Variants in TBC1D19 observed in about 807,000 individuals in gnomAD.
The protein encoded by TBC1D19 is TBC1 domain family, member 19.
Under a neutral mutation model 89.0 loss-of-function variants are expected in TBC1D19, and 60 were observed. The ratio of observed to expected loss-of-function variants is 0.67; its 90% CI spans 0.55 to 0.84. The LOEUF is 0.84. Among genes scored for constraint, TBC1D19 ranks in the 40% least tolerant of loss-of-function variants. TBC1D19 has a pLI of 0.00. For missense variants in TBC1D19, 500 were observed against 610.8 expected (o/e 0.82, Z 1.91); for synonymous variants, 189 against 199.7 (o/e 0.95, Z 0.45).
the TBC1D19 span, among the ~76,000 whole-genome samples, chr4:26,835,135 A>C: frequency 6.6e-6 from 1 of 152,236 alleles, no homozygotes; most frequent in Non-Finnish European, 1.5e-5. Flanking sequence ...ATCCTGGATT[A>C]TGTGAGTGAA....
chr4:26,819,062 C>T, the TBC1D19 span, among the ~76,000 whole-genome samples: 3 of 152,206 alleles, frequency 2.0e-5, no homozygotes, highest in African/African-American at 4.8e-5. Context: ...GACCGACACT[C>T]AACAGGCAAA....
chr4:26,779,208 C>T, the TBC1D19 span, among the ~76,000 whole-genome samples: 5 of 152,126 alleles, frequency 3.3e-5, no homozygotes, highest in South Asian at 2.1e-4. Flanking sequence ...ATGAAACTAC[C>T]GGAAGCCTCC....
At chr4:26,772,918 A>G in the TBC1D19 span, among the ~76,000 whole-genome samples, 7 of 152,186 alleles carry the variant, frequency 4.6e-5, no homozygotes, top group Non-Finnish European at 8.8e-5. Flanking sequence ...TAGTGCTGCA[A>G]TGAACATATG....
chr4:26,768,619 TA>T, the TBC1D19 span, among the ~76,000 whole-genome samples: 1 of 152,254 alleles, frequency 6.6e-6, no homozygotes, highest in African/African-American at 2.4e-5. Context: ...TTGGCCATGT[TA>T]AGTAGAGACA....
intron 19 of TBC1D19, among the ~76,000 whole-genome samples, chr4:26,753,584 A>T (rs147034400): frequency 0.01 from 1,556 of 152,322 alleles, 11 homozygotes; most frequent in Middle Eastern, 0.075. Flanking sequence ...AAGAACACTG[A>T]ATTTTCCTTT....
chr4:26,845,442 A>T, the TBC1D19 span, among the ~76,000 whole-genome samples: 1 of 152,200 alleles, frequency 6.6e-6, no homozygotes, highest in African/African-American at 2.4e-5. Flanking sequence ...GGCATTAGAT[A>T]CATTCACAAT....
In TBC1D19 at chr4:26,717,982, T is replaced by C. The variant is rs1205927662; in HGVS notation, c.1004T>C (p.Phe335Ser). The C allele has an allele frequency of 1.2e-6, 2 of 1,612,288 alleles. No homozygotes were observed. The highest frequency in any genetic ancestry group is 1.7e-5 in the Admixed American group (1 of 59,828). Residue 335 changes from phenylalanine (F) to serine (S), a missense_variant, in exon 14 of 21, where the codon TTC (phenylalanine) becomes TCC (serine). Physicochemically the swap from Phe to Ser is radical, Grantham distance 155. Coordinates refer to ENST00000264866, the MANE Select transcript of TBC1D19 (RefSeq NM_018317.4). The part of the protein sequence containing the change: ...RDTSVLSHFA[F>S]NSASPPKSYI... Reference sequence around the variant, plus strand: ...ACATCTGTGTTGAGTCACTTTGCATTCAACAGTGCCTCGCCACCAAAATCA... The same window carrying C: ...ACATCTGTGTTGAGTCACTTTGCATCCAACAGTGCCTCGCCACCAAAATCA...
the TBC1D19 span, among the ~76,000 whole-genome samples, chr4:26,839,832 GC>G: frequency 1.5e-4 from 23 of 152,210 alleles, no homozygotes; most frequent in South Asian, 4.6e-3. Flanking sequence ...AAACTCACAT[GC>G]CCATAGGCTG....
chr4:26,753,666 T>C (rs1352088702), intron 19 of TBC1D19, among the ~76,000 whole-genome samples, 154 bp from the exon 20 acceptor site: 1 of 152,184 alleles, frequency 6.6e-6, no homozygotes, highest in Non-Finnish European at 1.5e-5. Context: ...TTTCCATTCA[T>C]CACAAGACCT....
chr4:26,593,362 G>A (rs1477192509), intron 1 of TBC1D19, among the ~76,000 whole-genome samples: 1 of 152,212 alleles, frequency 6.6e-6, no homozygotes, highest in African/African-American at 2.4e-5. Flanking sequence ...AGATTTAAAT[G>A]TTAGACCTAA....
intron 20 of TBC1D19, among the ~76,000 whole-genome samples, chr4:26,754,448 A>G (rs1028390260): frequency 3.9e-5 from 6 of 152,182 alleles, no homozygotes; most frequent in Non-Finnish European, 5.9e-5. Context: ...AGCTGCCTGC[A>G]TTTTTGTTTA....
the TBC1D19 span, among the ~76,000 whole-genome samples, chr4:26,813,272 G>T: frequency 1.3e-5 from 2 of 151,930 alleles, no homozygotes; most frequent in Non-Finnish European, 2.9e-5. Context: ...CGAAAAAAAA[G>T]AAAAGAAAAG....
At chr4:26,824,575 G>C in the TBC1D19 span, among the ~76,000 whole-genome samples, 4 of 152,022 alleles carry the variant, frequency 2.6e-5, no homozygotes, top group Admixed American at 2.6e-4. Flanking sequence ...GGTCTTTTTC[G>C]TATGCATATT....
the TBC1D19 span, among the ~76,000 whole-genome samples, chr4:26,817,339 A>G: frequency 6.6e-6 from 1 of 152,190 alleles, no homozygotes; most frequent in African/African-American, 2.4e-5. Context: ...CAGCTGTTTA[A>G]TATTCCCCAG....
At chr4:26,808,544 G>C in the TBC1D19 span, among the ~76,000 whole-genome samples, 3 of 151,986 alleles carry the variant, frequency 2.0e-5, no homozygotes, top group Non-Finnish European at 4.4e-5. Context: ...ATCCTGAACA[G>C]GGTGAAACCC....
At chr4:26,815,217 C>T in the TBC1D19 span, among the ~76,000 whole-genome samples, 1 of 152,202 alleles carries the variant, frequency 6.6e-6, no homozygotes, top group Non-Finnish European at 1.5e-5. Context: ...TCCAGATCAA[C>T]TTTTTGTGGC....
rs1739255865 is a variant in TBC1D19 at position 26,584,115 on chromosome 4, G to T, written c.-79G>T. ...ATAAGGTCCCGGAGAAGTGTCACTGGCCCTGAGTGGGACCCGGTAGCCCGT... is the reference window on the plus strand; with the variant it reads ...ATAAGGTCCCGGAGAAGTGTCACTGTCCCTGAGTGGGACCCGGTAGCCCGT... On this transcript the variant is annotated 5_prime_UTR_variant, in exon 1 of 21. Transcript: ENST00000264866. 10 of 1,407,902 alleles carry T rather than the reference G, an allele frequency of 7.1e-6. No homozygotes were observed. Among genetic ancestry groups the T allele is most frequent in the African/African-American group, 2.8e-5 (2 of 71,006 alleles). The allele number at this position is 1,407,902 out of a possible 1,614,324, so 87.2% of individuals were successfully genotyped here. A position where few individuals can be genotyped will look rare whatever the true frequency, so the allele number is the denominator to read the frequency against.
intron 18 of TBC1D19, among the ~76,000 whole-genome samples, chr4:26,746,232 AT>A (rs11315419): frequency 0.32 from 42,044 of 131,804 alleles, 6,182 homozygotes; most frequent in East Asian, 0.41. Context: ...TTGCAGGTCT[AT>A]TTTTTTTTTT....
chr4:26,688,202 G>A, intron 12 of TBC1D19, 143 bp from the exon 13 acceptor site: 5 of 1,229,008 alleles, frequency 4.1e-6, no homozygotes, highest in South Asian at 4.0e-5. Context: ...TAAATACATA[G>A]CAATGATAAA....
Sources: gnomAD v4.1 joint callset for allele counts (sites outside exome capture counted in the v4.1 genomes callset) on GRCh38, gnomAD v4.1.1 for gene constraint, MANE v1.5 for transcripts, NCBI Gene and HGNC (gene_info 2026-07-23, HGNC 2026-07-21) for gene names.